GOLM2: variants seen among roughly 807,000 people sequenced by gnomAD.
GOLM2 encodes the protein protein GOLM2.
Under a neutral mutation model 55.9 loss-of-function variants are expected in GOLM2, and 26 were observed. That is an observed-to-expected ratio of 0.47 (90% CI 0.34 to 0.65). GOLM2 has a LOEUF of 0.65. Ranked by LOEUF, GOLM2 falls within the 30% of genes least tolerant of loss-of-function variation. The pLI, the probability that GOLM2 is intolerant of heterozygous loss-of-function variation, is 0.01. For synonymous variants in GOLM2, 165 were observed against 194.6 expected (o/e 0.85, Z 1.27); for missense variants, 486 against 531.8 (o/e 0.91, Z 0.85).
chr15:44,338,436 A>C (rs751038264), intron 6 of GOLM2, 119 bp downstream of exon 6: 52 of 722,984 alleles, frequency 7.2e-5, no homozygotes, highest in Non-Finnish European at 1.1e-4. Context: ...CGATATTTCT[A>C]CTTAATTAAG....
At chr15:44,396,417 GCTTTCT>G in intron 8 of GOLM2, among the ~76,000 whole-genome samples, 1 of 152,088 alleles carries the variant, frequency 6.6e-6, no homozygotes, top group East Asian at 1.9e-4. Context: ...GGCTACATTT[GCTTTCT>G]CATTTAACAT....
Position 44,413,077 on chromosome 15 carries a change from G to T in GOLM2, c.1241-259G>T, listed in dbSNP as rs2141223438. On this transcript the variant is annotated intron_variant, in intron 9 of 9. Coordinates refer to ENST00000299957, the MANE Select transcript of GOLM2 (RefSeq NM_138423.4). Reference sequence around the variant, plus strand: ...TTTGTGCGTTCCTAAAGTTTTACTAGTTATGTCTATCTGGCTCTATTTCTG... The same window carrying T: ...TTTGTGCGTTCCTAAAGTTTTACTATTTATGTCTATCTGGCTCTATTTCTG... 2.6e-5 allele frequency among the ~76,000 whole-genome samples: 4 copies of T among 151,318 alleles called. No homozygotes were observed. In the South Asian group the frequency reaches 8.3e-4, roughly 32 times the overall value.
At chr15:44,310,498 A>ACACC (rs1555421415) in intron 1 of GOLM2, among the ~76,000 whole-genome samples, 46 of 133,090 alleles carry the variant, frequency 3.5e-4, no homozygotes, top group African/African-American at 1.6e-3. Context: ...ATACACACAC[A>ACACC]CACCCACACA....
chr15:44,300,343 A>C (rs931427256), intron 1 of GOLM2, among the ~76,000 whole-genome samples: 3 of 152,118 alleles, frequency 2.0e-5, no homozygotes, highest in Admixed American at 2.0e-4. Context: ...AAATTTATTA[A>C]ATATATTGGG....
At chr15:44,314,245 A>AG (rs1398052128) in intron 1 of GOLM2, among the ~76,000 whole-genome samples, 1 of 151,552 alleles carries the variant, frequency 6.6e-6, no homozygotes, top group Non-Finnish European at 1.5e-5. Context: ...TCAAAAAAAA[A>AG]AAAAGAAAAG....
At chr15:44,295,921 C>A (rs2078753304) in intron 1 of GOLM2, among the ~76,000 whole-genome samples, 1 of 150,746 alleles carries the variant, frequency 6.6e-6, no homozygotes, top group East Asian at 1.9e-4. Context: ...CACACATACA[C>A]ACACACACAC....
intron 1 of GOLM2, among the ~76,000 whole-genome samples, chr15:44,309,769 A>G (rs923274235): frequency 6.6e-6 from 1 of 152,240 alleles, no homozygotes; most frequent in Non-Finnish European, 1.5e-5. Context: ...TTTTATAGAT[A>G]AAAGAACTGA....
chr15:44,319,058 C>T (rs2078931446), intron 1 of GOLM2, among the ~76,000 whole-genome samples: 1 of 152,148 alleles, frequency 6.6e-6, no homozygotes, highest in Non-Finnish European at 1.5e-5. Context: ...TCCATGAAGG[C>T]TGTATTAAAT....
At chr15:44,401,542 G>GCA (rs559393571) in intron 8 of GOLM2, among the ~76,000 whole-genome samples, 256 of 152,182 alleles carry the variant, frequency 1.7e-3, no homozygotes, top group Non-Finnish European at 2.6e-3. Context: ...ATATGCCACT[G>GCA]CACCCAGCCT....
intron 1 of GOLM2, among the ~76,000 whole-genome samples, chr15:44,314,868 C>A (rs1416339583): frequency 6.6e-6 from 1 of 152,170 alleles, no homozygotes; most frequent in Non-Finnish European, 1.5e-5. Flanking sequence ...AATAACTATG[C>A]CCACTTTCAT....
At chr15:44,309,258 G>T (rs990541765) in intron 1 of GOLM2, among the ~76,000 whole-genome samples, 5 of 152,168 alleles carry the variant, frequency 3.3e-5, no homozygotes, top group African/African-American at 4.8e-5. Context: ...ACTATATTAT[G>T]ATCTGGCAAT....
chr15:44,333,841 G>A (rs539944222), intron 4 of GOLM2, among the ~76,000 whole-genome samples: 1 of 151,960 alleles, frequency 6.6e-6, no homozygotes, highest in East Asian at 1.9e-4. Context: ...TCAGCCTTCC[G>A]AGTAGCTGGG....
At chr15:44,379,174 G>A (rs567496272) in intron 6 of GOLM2, among the ~76,000 whole-genome samples, 2 of 152,196 alleles carry the variant, frequency 1.3e-5, no homozygotes, top group African/African-American at 2.4e-5. Context: ...CAGATTTATT[G>A]GTCAAAAAAA....
At chr15:44,383,411 G>A (rs985848379) in intron 8 of GOLM2, among the ~76,000 whole-genome samples, 1 of 151,996 alleles carries the variant, frequency 6.6e-6, no homozygotes, top group Admixed American at 6.6e-5. Flanking sequence ...CAGTTTTAAA[G>A]TGTCACTGGA....
At chr15:44,388,875 G>A (rs1410664972) in intron 8 of GOLM2, among the ~76,000 whole-genome samples, 2 of 151,942 alleles carry the variant, frequency 1.3e-5, no homozygotes, top group Non-Finnish European at 2.9e-5. Flanking sequence ...GAGTGCAGTG[G>A]CGTGATCTTG....
chr15:44,341,052 C>G (rs1274803687), intron 6 of GOLM2, among the ~76,000 whole-genome samples: 1 of 146,072 alleles, frequency 6.8e-6, no homozygotes. Flanking sequence ...TTTTTGACCT[C>G]TATTATTTAT....
At chr15:44,390,330 G>A (rs2141202404) in intron 8 of GOLM2, 1 of 152,332 alleles carries the variant, frequency 6.6e-6, no homozygotes, top group Non-Finnish European at 1.5e-5. Flanking sequence ...GTATTTAGAT[G>A]CTTTGAATAG....
At chr15:44,344,330 G>A (rs939501991) in intron 6 of GOLM2, among the ~76,000 whole-genome samples, 1 of 149,210 alleles carries the variant, frequency 6.7e-6, no homozygotes, top group Non-Finnish European at 1.5e-5. Context: ...ATAGTCAAGG[G>A]TTATAGAGCA....
Position 44,369,067 on chromosome 15 carries a change from T to TTTTATATA in GOLM2, c.803-10622_803-10621insTTATATAT, listed in dbSNP as rs1491095871. 1.0e-3 allele frequency among the ~76,000 whole-genome samples: 23 copies of TTTTATATA among 22,974 alleles called. 1 individual carries two copies. Among genetic ancestry groups the TTTTATATA allele is most frequent in the African/African-American group, 3.5e-3 (23 of 6,530 alleles). 15.1% of individuals were successfully genotyped at this position (22,974 alleles called of 152,430 possible). On this transcript the variant is annotated intron_variant, in intron 6 of 9. Coordinates refer to ENST00000299957, the MANE Select transcript of GOLM2 (RefSeq NM_138423.4). ...AGATATATACATATAATAGGATATATTATATATATATATATATATATATAT... is the reference window on the plus strand; with the variant it reads ...AGATATATACATATAATAGGATATATTTTATATATATATATATATATATATATATATAT...
Sources: gnomAD v4.1 joint callset for allele counts (sites outside exome capture counted in the v4.1 genomes callset) on GRCh38, gnomAD v4.1.1 for gene constraint, MANE v1.5 for transcripts, NCBI Gene and HGNC (gene_info 2026-07-23, HGNC 2026-07-21) for gene names.